Variants in IFT70B observed in about 807,000 individuals in gnomAD.
IFT70B encodes intraflagellar transport protein 70B.
chr2:177,551,270 A>G, the IFT70B span: 3 of 1,613,588 alleles, frequency 1.9e-6, no homozygotes, highest in Non-Finnish European at 2.5e-6. Context: ...CCAGTACAAT[A>G]GCACTGACAT....
the IFT70B span, chr2:177,551,970 C>T: frequency 2.5e-6 from 4 of 1,614,086 alleles, no homozygotes; most frequent in African/African-American, 2.7e-5. Context: ...CTCATAGTTT[C>T]TCAGTTGGTA....
chr2:177,550,904 T>C, the IFT70B span: 2 of 1,614,012 alleles, frequency 1.2e-6, no homozygotes, highest in Non-Finnish European at 8.5e-7. Flanking sequence ...TGCCATGAAG[T>C]TCACAGTGTT....
At chr2:177,552,396 T>G in the IFT70B span, 1 of 1,613,896 alleles carries the variant, frequency 6.2e-7, no homozygotes, top group Non-Finnish European at 8.5e-7. Flanking sequence ...CTCGCTGTAC[T>G]TGATAGCAGC....
At chr2:177,550,537 A>G in the IFT70B span, 1 of 407,974 alleles carries the variant, frequency 2.5e-6, no homozygotes, top group Non-Finnish European at 4.3e-6. Context: ...AACTTCTGAT[A>G]TAAACATTCC....
the IFT70B span, chr2:177,552,084 A>C: frequency 6.2e-7 from 1 of 1,614,240 alleles, no homozygotes; most frequent in African/African-American, 1.3e-5. Context: ...GGTCATGCCC[A>C]CACCTAGCTC....
chr2:177,551,260 C>T, the IFT70B span: 1 of 1,613,926 alleles, frequency 6.2e-7, no homozygotes, highest in Non-Finnish European at 8.5e-7. Context: ...CAGAGATTAG[C>T]CAGTACAATA....
the IFT70B span, chr2:177,551,642 C>T: frequency 6.2e-6 from 10 of 1,614,220 alleles, no homozygotes; most frequent in South Asian, 1.1e-4. Flanking sequence ...TAATGAAAGC[C>T]TCTTCAGGAG....
At chr2:177,552,705 C>A in the IFT70B span, 2 of 1,595,528 alleles carry the variant, frequency 1.3e-6, no homozygotes, top group South Asian at 2.3e-5. Context: ...GCGGATGAGG[C>A]GGTACACGAC....
At chr2:177,551,730 T>G in the IFT70B span, 59 of 1,614,116 alleles carry the variant, frequency 3.7e-5, no homozygotes, top group Non-Finnish European at 4.8e-5. Context: ...ATGGGCATTT[T>G]CTGCCAGGAC....
the IFT70B span, chr2:177,551,030 C>A: frequency 6.2e-7 from 1 of 1,614,024 alleles, no homozygotes; most frequent in Non-Finnish European, 8.5e-7. Flanking sequence ...TGTCTGTTCC[C>A]AGCTTTTTGT....
chr2:177,552,066 C>G, the IFT70B span: 1 of 1,614,210 alleles, frequency 6.2e-7, no homozygotes. Flanking sequence ...AACATCAATG[C>G]CCTCAGTGGT....
chr2:177,551,169 G>C, the IFT70B span: 1 of 1,614,028 alleles, frequency 6.2e-7, no homozygotes, highest in South Asian at 1.1e-5. Flanking sequence ...GTCATCATAA[G>C]AGAGCTGCTC....
At chr2:177,551,081 G>C in the IFT70B span, 127 of 1,614,108 alleles carry the variant, frequency 7.9e-5, 5 homozygotes, top group Middle Eastern at 2.5e-3. Flanking sequence ...AAATACCAAA[G>C]TCATAATTTC....
At chr2:177,552,104 GCGGATGC>G in the IFT70B span, 1 of 1,614,240 alleles carries the variant, frequency 6.2e-7, no homozygotes, top group Non-Finnish European at 8.5e-7. Context: ...CAGGGTGCTG[GCGGATGC>G]CACGCTCAAT....
the IFT70B span, chr2:177,550,559 G>A: frequency 6.6e-6 from 3 of 455,050 alleles, no homozygotes; most frequent in Non-Finnish European, 1.1e-5. Context: ...CATAAGTTTG[G>A]AATTTTTCAT....
At chr2:177,552,098 G>A in the IFT70B span, 993 of 1,614,210 alleles carry the variant, frequency 6.2e-4, 7 homozygotes, top group African/African-American at 1.0e-2. Context: ...CTAGCTCAGG[G>A]TGCTGGCGGA....
chr2:177,551,714 A>C, the IFT70B span: 159 of 1,614,096 alleles, frequency 9.9e-5, no homozygotes, highest in Admixed American at 9.5e-4. Context: ...GGAACTTATA[A>C]ATCAAATGGG....
chr2:177,552,650 C>T, the IFT70B span: 37 of 1,589,788 alleles, frequency 2.3e-5, no homozygotes, highest in Non-Finnish European at 3.0e-5. Flanking sequence ...GGCTCCGCTG[C>T]AGTTCTCCGC....
At chr2:177,551,786 C>T in the IFT70B span, 4 of 1,614,124 alleles carry the variant, frequency 2.5e-6, no homozygotes, top group Admixed American at 5.0e-5. Context: ...AGAGCAGCAA[C>T]AGGTTGCCAA....
Sources: allele counts gnomAD v4.1 joint callset, GRCh38; gene constraint gnomAD v4.1.1; transcripts MANE v1.5; gene names NCBI Gene and HGNC (gene_info 2026-07-23, HGNC 2026-07-21).